Variants in CEP120 observed in about 807,000 individuals in gnomAD.
CEP120 encodes the protein centrosomal protein 120, also known as centrosomal protein of 120 kDa.
Under a neutral mutation model 126.5 loss-of-function variants are expected in CEP120, and 113 were observed. The ratio of observed to expected loss-of-function variants is 0.89; its 90% confidence interval spans 0.77 to 1.04. CEP120 has a LOEUF of 1.04. CEP120 is among the 50% of genes least tolerant of loss of function. CEP120 has a pLI of 0.00. For synonymous variants in CEP120, 400 were observed against 394.3 expected (o/e 1.01, Z -0.17); for missense variants, 1,230 against 1,155.7 (o/e 1.06, Z -0.93).
intron 3 of CEP120, 49 bp from the exon 4 acceptor site, chr5:123,412,589 A>C: frequency 7.3e-7 from 1 of 1,376,372 alleles, no homozygotes; most frequent in Non-Finnish European, 9.9e-7. Context: ...TAAGGGAAAA[A>C]ACATATTGGG....
At chr5:123,367,597 T>C (rs1770557445) in intron 17 of CEP120, among the ~76,000 whole-genome samples, 1 of 151,264 alleles carries the variant, frequency 6.6e-6, no homozygotes, top group South Asian at 2.1e-4. Flanking sequence ...AAATCTAAAA[T>C]TGGATGCTGA....
Position 123,346,653 on chromosome 5 carries a change from C to T in CEP120, c.2827G>A (p.Asp943Asn), listed in dbSNP as rs758349807. The T allele has an allele frequency of 6.2e-7, 1 of 1,614,012 alleles. No homozygotes were observed. The highest frequency in any genetic ancestry group is 1.1e-5 in the South Asian group (1 of 91,076). The change falls in exon 20 of 20, where the codon GAT (aspartate) becomes AAT (asparagine). Residue 943 changes from aspartate (D) to asparagine (N), a missense_variant. Coordinates refer to ENST00000306467, the MANE Select transcript of CEP120 (RefSeq NM_001375405.1). ...TCTTCTATCAGGCGAGTCAAATAAT[C>T]ATCCAAACCTTCTTCCAATACACTG... ...HGSVLEEGLD[D>N]YLTRLIEERD...
At chr5:123,366,612 A>G (rs905210233) in intron 17 of CEP120, among the ~76,000 whole-genome samples, 1 of 151,818 alleles carries the variant, frequency 6.6e-6, no homozygotes, top group Non-Finnish European at 1.5e-5. Flanking sequence ...CTCTTGAAAT[A>G]TTTTCAAATT....
At position 123,346,349 on chromosome 5, in the gene CEP120, G is replaced by A; in HGVS notation, c.*170C>T. 2.0e-6 allele frequency: 1 copy of A among 492,378 alleles called. No homozygotes were observed. Among genetic ancestry groups the A allele is most frequent in the Non-Finnish European group, 3.5e-6 (1 of 282,956 alleles). The allele number at this position is 492,378 out of a possible 1,614,324, so 30.5% of individuals were successfully genotyped here. ...TACAAATAAAACCAGTGTGGGAGAG[G>A]TAGCATAAAGTAAATAAGATCAAAT... On this transcript the variant is annotated 3_prime_UTR_variant, in exon 20 of 20. Transcript: ENST00000306467.
chr5:123,386,495 C>T (rs1175314962), intron 10 of CEP120, 23 bp downstream of exon 10: 2 of 1,394,082 alleles, frequency 1.4e-6, no homozygotes, highest in Non-Finnish European at 1.9e-6. Context: ...TAATTAATAT[C>T]ATACATACAC....
At chr5:123,373,710 C>T (rs1468585874) in intron 16 of CEP120, among the ~76,000 whole-genome samples, 1 of 152,042 alleles carries the variant, frequency 6.6e-6, no homozygotes, top group African/African-American at 2.4e-5. Context: ...TAACTCCAGG[C>T]TTGTGTTTTG....
chr5:123,361,021 C>CAT lies in CEP120; in HGVS notation c.2580+3473_2580+3474dup, dbSNP rs1278165581. On this transcript the variant is annotated intron_variant, in intron 18 of 19. Coordinates refer to ENST00000306467, the MANE Select transcript of CEP120 (RefSeq NM_001375405.1). Reference sequence around the variant, plus strand: ...ATAAAAAACATGTCAATTATAATGACATTGTTTCAATAATTAATGATTATT... The same window carrying CAT: ...ATAAAAAACATGTCAATTATAATGACATATTGTTTCAATAATTAATGATTATT... Among the ~76,000 whole-genome samples, 7 of 100,052 alleles carry CAT rather than the reference C, an allele frequency of 7.0e-5. No individual in the cohort carries two copies. In the East Asian group the frequency reaches 1.7e-3, roughly 24 times the overall value. The allele number at this position is 100,052 out of a possible 152,430, so 65.6% of individuals were successfully genotyped here.
intron 18 of CEP120, among the ~76,000 whole-genome samples, chr5:123,351,031 T>C (rs980429483): frequency 2.0e-5 from 3 of 152,180 alleles, no homozygotes; most frequent in East Asian, 1.9e-4. Flanking sequence ...CCTGAGTCAA[T>C]AGGTTTTTGT....
intron 1 of CEP120, 45 bp from the exon 2 acceptor site, chr5:123,418,560 C>G: frequency 6.9e-7 from 1 of 1,447,298 alleles, no homozygotes; most frequent in Non-Finnish European, 9.3e-7. Flanking sequence ...GTACAAAAAT[C>G]AAACAGGATC....
chr5:123,422,431 G>A (rs769951951), intron 1 of CEP120: 4 of 1,286,946 alleles, frequency 3.1e-6, no homozygotes, highest in East Asian at 2.5e-5. Context: ...CACTCAATGA[G>A]TCCCAATAAA....
intron 5 of CEP120, 136 bp from the exon 6 acceptor site, chr5:123,393,633 G>T: frequency 1.4e-6 from 1 of 692,792 alleles, no homozygotes; most frequent in Non-Finnish European, 2.3e-6. Context: ...TAAAATTTCT[G>T]AATTTCTGCC....
At position 123,412,417 on chromosome 5, in the gene CEP120, G is replaced by C; in HGVS notation, c.445C>G (p.Pro149Ala). ...CACAAACCTTTTCCATCTCGAGGGGGAGCCCCCTTTGCTTTAAAGCTATCC... is the reference window on the plus strand; with the variant it reads ...CACAAACCTTTTCCATCTCGAGGGGCAGCCCCCTTTGCTTTAAAGCTATCC... ...PVDSFKAKGA[P>A]PRDGKVPAIL... Residue 149 changes from proline (P) to alanine (A), a missense_variant, in exon 4 of 20, where the codon CCC becomes GCC. By Grantham distance (27) the Pro-to-Ala change is conservative (BLOSUM62 -1). Transcript: ENST00000306467. 1 of 1,602,774 alleles carries C rather than the reference G, an allele frequency of 6.2e-7. No individual in the cohort carries two copies. Among genetic ancestry groups the C allele is most frequent in the Non-Finnish European group, 8.5e-7 (1 of 1,176,410 alleles).
chr5:123,372,034 TG>T (rs1770892177), intron 17 of CEP120, among the ~76,000 whole-genome samples: 1 of 152,118 alleles, frequency 6.6e-6, no homozygotes, highest in African/African-American at 2.4e-5. Flanking sequence ...GAACATTGTT[TG>T]TGGAGGAATC....
At chr5:123,385,399 ATACT>A (rs1173666090) in intron 10 of CEP120, among the ~76,000 whole-genome samples, 4 of 152,272 alleles carry the variant, frequency 2.6e-5, no homozygotes, top group South Asian at 2.1e-4. Context: ...AGATACACAA[ATACT>A]TACCTTTGTC....
At chr5:123,352,987 C>G (rs374088037) in intron 18 of CEP120, among the ~76,000 whole-genome samples, 5 of 152,014 alleles carry the variant, frequency 3.3e-5, no homozygotes, top group African/African-American at 1.2e-4. Context: ...AGCAAACTTG[C>G]TAAACTCACT....
intron 4 of CEP120, among the ~76,000 whole-genome samples, chr5:123,407,848 C>A (rs773090165): frequency 2.6e-5 from 4 of 152,092 alleles, no homozygotes; most frequent in Non-Finnish European, 4.4e-5. Flanking sequence ...CATTTAAGAA[C>A]AGAACCGTGT....
At chr5:123,351,454 G>A (rs1769192181) in intron 18 of CEP120, among the ~76,000 whole-genome samples, 1 of 152,048 alleles carries the variant, frequency 6.6e-6, no homozygotes, top group African/African-American at 2.4e-5. Flanking sequence ...TATAAATAAT[G>A]GTGATGTGAA....
intron 18 of CEP120, 90 bp downstream of exon 18, chr5:123,364,406 C>T (rs1770306929): frequency 1.6e-6 from 1 of 642,994 alleles, no homozygotes. Context: ...CAAATGCAGA[C>T]ATCAGAGCAT....
chr5:123,401,990 C>A lies in CEP120; in HGVS notation c.464-2706G>T, dbSNP rs1773278881. 2.1e-5 allele frequency: 33 copies of A among 1,605,512 alleles called. No homozygotes were observed. In the South Asian group the frequency reaches 3.5e-4, roughly 17 times the overall value. Reference sequence around the variant, plus strand: ...GCAGGAGGCTCCACTTGGTCTCCAGCATCTTGTTCTGCTGCTCCAGGAACC... The same window carrying A: ...GCAGGAGGCTCCACTTGGTCTCCAGAATCTTGTTCTGCTGCTCCAGGAACC... On this transcript the variant is annotated intron_variant, in intron 4 of 19. Coordinates refer to ENST00000306467, the MANE Select transcript of CEP120 (RefSeq NM_001375405.1).
Sources: gnomAD v4.1 joint callset for allele counts (sites outside exome capture counted in the v4.1 genomes callset) on GRCh38, gnomAD v4.1.1 for gene constraint, MANE v1.5 for transcripts, NCBI Gene and HGNC (gene_info 2026-07-23, HGNC 2026-07-21) for gene names.